The following ARL15 variants were observed in gnomAD, a reference collection of about 807,000 sequenced individuals.
ARL15 encodes the protein ADP-ribosylation factor-like protein 15.
In ARL15, 19 loss-of-function variants were observed where a neutral mutation model predicts 25.2. The ratio of observed to expected loss-of-function variants is 0.75; its 90% CI spans 0.53 to 1.10. The LOEUF is 1.10. ARL15 is among the 50% of genes least tolerant of loss of function. ARL15 has a pLI of 0.00. For synonymous variants in ARL15, 94 were observed against 86.8 expected, an observed-to-expected ratio of 1.08 and a Z score of -0.46; for missense variants, 220 against 246.0, an observed-to-expected ratio of 0.89 and a Z score of 0.71.
intron 4 of ARL15, among the ~76,000 whole-genome samples, chr5:54,103,258 G>A (rs1349240894): frequency 6.6e-6 from 1 of 151,930 alleles, no homozygotes; most frequent in African/African-American, 2.4e-5. Flanking sequence ...TAGATACTGT[G>A]ATAACAAACA....
chr5:54,198,132 G>A (rs1052255745), intron 1 of ARL15, among the ~76,000 whole-genome samples: 8 of 152,266 alleles, frequency 5.3e-5, no homozygotes, highest in Non-Finnish European at 1.2e-4. Context: ...ATTAGGTATT[G>A]ATGGGACTTA....
chr5:54,285,874 G>GT (rs1445895617), intron 1 of ARL15, among the ~76,000 whole-genome samples: 1 of 152,136 alleles, frequency 6.6e-6, no homozygotes, highest in African/African-American at 2.4e-5. Flanking sequence ...GTGACGACCC[G>GT]TTCCAAGGTA....
chr5:54,130,706 A>T (rs1753400951), intron 3 of ARL15, among the ~76,000 whole-genome samples: 1 of 152,216 alleles, frequency 6.6e-6, no homozygotes, highest in Admixed American at 6.5e-5. Context: ...AAATACAATG[A>T]TACATACCTG....
chr5:53,923,507 T>C (rs530461356), intron 4 of ARL15, among the ~76,000 whole-genome samples: 9 of 152,218 alleles, frequency 5.9e-5, no homozygotes, highest in East Asian at 3.9e-4. Context: ...ATATAATAGG[T>C]TGTCAAATGC....
At chr5:53,887,311 TAC>T in intron 4 of ARL15, 1 of 696,860 alleles carries the variant, frequency 1.4e-6, no homozygotes. Context: ...TGTATGCATA[TAC>T]ACACTTACAT....
At chr5:54,175,911 C>A (rs909072661) in intron 1 of ARL15, among the ~76,000 whole-genome samples, 2 of 152,182 alleles carry the variant, frequency 1.3e-5, no homozygotes, top group Non-Finnish European at 2.9e-5. Context: ...CCCGGCTGCC[C>A]AAAGTGCTGA....
At chr5:53,991,163 G>A (rs1748476332) in intron 4 of ARL15, among the ~76,000 whole-genome samples, 1 of 152,112 alleles carries the variant, frequency 6.6e-6, no homozygotes. Context: ...ACTTGGTAGG[G>A]AATATAGATT....
intron 4 of ARL15, among the ~76,000 whole-genome samples, chr5:53,944,658 C>T (rs1304354988): frequency 6.6e-6 from 1 of 152,140 alleles, no homozygotes; most frequent in African/African-American, 2.4e-5. Context: ...CTCCCGACTG[C>T]ACTCTCAGCT....
chr5:54,122,063 A>G (rs909725436), intron 3 of ARL15, among the ~76,000 whole-genome samples: 3 of 152,260 alleles, frequency 2.0e-5, no homozygotes, highest in African/African-American at 7.2e-5. Flanking sequence ...GGCAAAGAAT[A>G]GATTTTCTGT....
intron 1 of ARL15, among the ~76,000 whole-genome samples, chr5:54,283,937 A>G (rs1351105073): frequency 6.6e-6 from 1 of 152,174 alleles, no homozygotes; most frequent in Non-Finnish European, 1.5e-5. Flanking sequence ...CCAGGCTGTA[A>G]CGGAGACTTA....
chr5:53,923,554 G>A (rs1484235343), intron 4 of ARL15, among the ~76,000 whole-genome samples: 1 of 152,016 alleles, frequency 6.6e-6, no homozygotes, highest in South Asian at 2.1e-4. Flanking sequence ...TTACCTAAAG[G>A]CATCTCCTTT....
At chr5:54,282,641 C>T (rs1579980266) in intron 1 of ARL15, 1 of 835,880 alleles carries the variant, frequency 1.2e-6, no homozygotes, top group East Asian at 1.2e-4. Flanking sequence ...GCTCTAATAT[C>T]CCATTTTAAT....
Position 54,201,234 on chromosome 5 carries a change from A to G in ARL15, c.49-29306T>C, listed in dbSNP as rs371018694. Among the ~76,000 whole-genome samples, 115 of 151,714 alleles carry G rather than the reference A, an allele frequency of 7.6e-4. 3 individuals are homozygous for G. The South Asian group carries it at 0.022, about 29-fold the overall frequency. ...GGTGCACCTCTTTCCATCTTTCTCA[A>G]TTCCTTCACCCTATACTTCACCAAC... On this transcript the variant is annotated intron_variant, in intron 1 of 4. Transcript: ENST00000504924.
At chr5:54,086,102 C>T (rs923186266) in intron 4 of ARL15, among the ~76,000 whole-genome samples, 1 of 150,348 alleles carries the variant, frequency 6.7e-6, no homozygotes, top group African/African-American at 2.5e-5. Flanking sequence ...TTAGTAGAGA[C>T]GGGGTTTCTC....
At chr5:54,155,435 TTA>T (rs1754197570) in intron 2 of ARL15, among the ~76,000 whole-genome samples, 1 of 152,184 alleles carries the variant, frequency 6.6e-6, no homozygotes, top group Non-Finnish European at 1.5e-5. Context: ...TACATAGTAT[TTA>T]TGTTAGTGTC....
intron 3 of ARL15, among the ~76,000 whole-genome samples, chr5:54,145,579 G>GAA (rs1753881352): frequency 6.6e-6 from 1 of 151,858 alleles, no homozygotes; most frequent in African/African-American, 2.4e-5. Flanking sequence ...CTCTCCCACC[G>GAA]AAGTATACAA....
chr5:54,071,008 A>G (rs1751401756), intron 4 of ARL15, among the ~76,000 whole-genome samples: 1 of 85,292 alleles, frequency 1.2e-5, no homozygotes, highest in African/African-American at 8.7e-5. Context: ...GTCTCTATGA[A>G]AAAACACAAA....
intron 4 of ARL15, among the ~76,000 whole-genome samples, chr5:54,097,275 T>C (rs1029801136): frequency 4.1e-4 from 62 of 151,934 alleles, no homozygotes; most frequent in African/African-American, 1.5e-3. Flanking sequence ...TGAGATCACA[T>C]CACTGCACTA....
At chr5:53,912,746 T>A (rs565275844) in intron 4 of ARL15, among the ~76,000 whole-genome samples, 1 of 152,308 alleles carries the variant, frequency 6.6e-6, no homozygotes, top group African/African-American at 2.4e-5. Flanking sequence ...GAACCCTCAG[T>A]GATCTGAATT....
Sources: allele counts gnomAD v4.1 joint callset (sites outside exome capture counted in the v4.1 genomes callset), GRCh38; gene constraint gnomAD v4.1.1; transcripts MANE v1.5; gene names NCBI Gene and HGNC (gene_info 2026-07-23, HGNC 2026-07-21).